Variants in ZEB1 observed in about 807,000 individuals in gnomAD.
ZEB1 encodes the protein zinc finger E-box-binding homeobox 1.
Under a neutral mutation model 84.9 loss-of-function variants are expected in ZEB1, and 21 were observed. The ratio of observed to expected loss-of-function variants is 0.25; its 90% confidence interval spans 0.18 to 0.36. ZEB1 has a LOEUF of 0.36. ZEB1 is among the 10% of genes least tolerant of loss of function. The probability of loss-of-function intolerance (pLI) is 1.00; values close to 1 mark genes in which losing one functional copy is unlikely to be tolerated. For missense variants in ZEB1, 1,104 were observed against 1,330.2 expected, an observed-to-expected ratio of 0.83 and a Z score of 2.65; for synonymous variants, 420 against 471.1, an observed-to-expected ratio of 0.89 and a Z score of 1.41.
intron 1 of ZEB1, chr10:31,373,041 G>T (rs2045982638): frequency 2.0e-6 from 2 of 985,206 alleles, no homozygotes; most frequent in South Asian, 9.4e-5. Context: ...TTCTCAACTG[G>T]CAATTGGCCG....
chr10:31,391,023 A>C (rs1053529230), intron 1 of ZEB1, among the ~76,000 whole-genome samples: 10 of 152,116 alleles, frequency 6.6e-5, no homozygotes, highest in African/African-American at 2.4e-4. Flanking sequence ...TTCCTTCACA[A>C]GGTGCATGAC....
chr10:31,442,575 AAAG>A (rs958793830), intron 1 of ZEB1, among the ~76,000 whole-genome samples: 4 of 152,128 alleles, frequency 2.6e-5, no homozygotes, highest in Admixed American at 1.3e-4. Flanking sequence ...AATAAAAAAA[AAAG>A]AAATCCAAGT....
chr10:31,444,013 G>C (rs1207337087), intron 1 of ZEB1, among the ~76,000 whole-genome samples: 5 of 149,910 alleles, frequency 3.3e-5, no homozygotes, highest in African/African-American at 1.0e-4. Context: ...GGTTGAACTA[G>C]TTTACAGTCC....
intron 8 of ZEB1, among the ~76,000 whole-genome samples, chr10:31,525,176 T>C (rs1410126981): frequency 6.6e-6 from 1 of 152,204 alleles, no homozygotes; most frequent in African/African-American, 2.4e-5. Context: ...TCATTTACAT[T>C]TTGTCTATGT....
chr10:31,487,579 C>CT (rs1384112363), intron 2 of ZEB1, among the ~76,000 whole-genome samples: 6 of 151,152 alleles, frequency 4.0e-5, no homozygotes, highest in Admixed American at 1.3e-4. Flanking sequence ...TGTAGACAGT[C>CT]TTGTTTTCTG....
chr10:31,500,183 A>G (rs914067835), intron 3 of ZEB1, among the ~76,000 whole-genome samples: 2 of 152,042 alleles, frequency 1.3e-5, no homozygotes, highest in Non-Finnish European at 2.9e-5. Flanking sequence ...AAATCACATA[A>G]AATATTAATT....
chr10:31,439,755 A>C (rs1253852475), intron 1 of ZEB1, among the ~76,000 whole-genome samples: 1 of 152,162 alleles, frequency 6.6e-6, no homozygotes, highest in African/African-American at 2.4e-5. Context: ...AGAATATTAC[A>C]GGTAGAGTGA....
chr10:31,443,728 C>A (rs535572446), intron 1 of ZEB1, among the ~76,000 whole-genome samples: 23 of 150,470 alleles, frequency 1.5e-4, no homozygotes, highest in African/African-American at 5.5e-4. Flanking sequence ...CATGTCCTTA[C>A]AAAGGACATG....
At chr10:31,455,286 G>T (rs1011072663) in intron 1 of ZEB1, among the ~76,000 whole-genome samples, 1 of 152,132 alleles carries the variant, frequency 6.6e-6, no homozygotes, top group African/African-American at 2.4e-5. Context: ...AGACTGAAAC[G>T]TAAGACCTAA....
At chr10:31,487,659 A>G (rs188997635) in intron 2 of ZEB1, among the ~76,000 whole-genome samples, 1 of 151,498 alleles carries the variant, frequency 6.6e-6, no homozygotes, top group African/African-American at 2.4e-5. Context: ...ACTTATTGCA[A>G]GACATCAAGA....
At chr10:31,322,007 A>G (rs1182985944) in intron 1 of ZEB1, 2 of 202,514 alleles carry the variant, frequency 9.9e-6, no homozygotes, top group African/African-American at 2.3e-5. Context: ...GCGTCTGTTT[A>G]GCACAAAACG....
intron 2 of ZEB1, among the ~76,000 whole-genome samples, chr10:31,489,652 G>T (rs1224568410): frequency 6.6e-6 from 1 of 150,894 alleles, no homozygotes; most frequent in Non-Finnish European, 1.5e-5. Flanking sequence ...TCTTTTAGTG[G>T]TTGCTCTATG....
chr10:31,321,178 C>A, intron 1 of ZEB1: 1 of 1,089,856 alleles, frequency 9.2e-7, no homozygotes, highest in Non-Finnish European at 1.1e-6. Flanking sequence ...GTTTTGTAAC[C>A]TTTCCTGGCA....
At position 31,527,157 on chromosome 10, in the gene ZEB1, G is replaced by C; in HGVS notation, c.3271G>C (p.Glu1091Gln). ...GAATGAGGGAGAAGAAGCAAAAACT[G>C]AAGGTCTGATGAAGGATGACAGGGC... ...AENEGEEAKTEGLMKDDRAES... is the reference protein window; with the variant it reads ...AENEGEEAKTQGLMKDDRAES... The change falls in exon 9 of 9, where the codon GAA becomes CAA. Residue 1091 changes from glutamate (E) to glutamine (Q), a missense_variant. Glu to Gln is a conservative substitution (Grantham distance 29, BLOSUM62 2). Transcript: ENST00000424869. 6.2e-7 allele frequency: 1 copy of C among 1,610,656 alleles called. No homozygotes were observed.
At chr10:31,438,565 A>G (rs1294227346) in intron 1 of ZEB1, among the ~76,000 whole-genome samples, 1 of 152,238 alleles carries the variant, frequency 6.6e-6, no homozygotes, top group East Asian at 1.9e-4. Context: ...AGCTGGGTGC[A>G]GTGGCACATA....
chr10:31,462,578 G>A (rs182981975), intron 2 of ZEB1, among the ~76,000 whole-genome samples: 4 of 152,238 alleles, frequency 2.6e-5, no homozygotes, highest in African/African-American at 4.8e-5. Context: ...AAAGTACAGT[G>A]AATATAAGGT....
chr10:31,488,274 A>G (rs1265237960), intron 2 of ZEB1, among the ~76,000 whole-genome samples: 9 of 151,210 alleles, frequency 6.0e-5, no homozygotes. Context: ...CAGGTTTTGT[A>G]TTCATCTTGG....
chr10:31,437,233 A>G (rs1039388082), intron 1 of ZEB1, among the ~76,000 whole-genome samples: 11 of 152,188 alleles, frequency 7.2e-5, no homozygotes, highest in African/African-American at 1.2e-4. Context: ...ATTATGTACT[A>G]TGACATTTCT....
At chr10:31,362,662 C>T (rs1278458027) in intron 1 of ZEB1, 13 of 407,030 alleles carry the variant, frequency 3.2e-5, no homozygotes, top group Admixed American at 7.1e-5. Context: ...CGGGCACAGG[C>T]GCTCCTCACT....
Sources: allele counts gnomAD v4.1 joint callset (sites outside exome capture counted in the v4.1 genomes callset), GRCh38; gene constraint gnomAD v4.1.1; transcripts MANE v1.5; gene names NCBI Gene and HGNC (gene_info 2026-07-23, HGNC 2026-07-21).